Variants in ALK observed in about 807,000 individuals in gnomAD.
ALK encodes ALK receptor tyrosine kinase.
ALK carries 74 observed loss-of-function variants against 163.1 expected under a neutral mutation model. That is an observed-to-expected ratio of 0.45 (90% confidence interval 0.38 to 0.55). ALK has a LOEUF of 0.55. Among genes scored for constraint, ALK ranks in the 20% least tolerant of loss-of-function variants. ALK has a pLI of 0.00. For missense variants in ALK, 2,063 were observed against 2,105.3 expected (o/e 0.98, Z 0.39); for synonymous variants, 960 against 843.2 (o/e 1.14, Z -2.40).
intron 1 of ALK, among the ~76,000 whole-genome samples, chr2:29,855,936 C>T (rs1012183044): frequency 6.6e-6 from 1 of 152,152 alleles, no homozygotes; most frequent in Admixed American, 6.5e-5. Flanking sequence ...TAATGTGTGA[C>T]CTCATTAATT....
chr2:29,468,563 T>C (rs1259618644), intron 4 of ALK, among the ~76,000 whole-genome samples: 1 of 152,092 alleles, frequency 6.6e-6, no homozygotes, highest in African/African-American at 2.4e-5. Flanking sequence ...TCAGAATGAA[T>C]AGCCAGCTCA....
chr2:29,243,347 C>T (rs142445045), intron 12 of ALK, among the ~76,000 whole-genome samples: 2 of 152,204 alleles, frequency 1.3e-5, no homozygotes, highest in Middle Eastern at 3.2e-3. Flanking sequence ...TATTTACCCC[C>T]GCTCTGAGCC....
rs1558549514 is a variant in ALK at position 29,920,109 on chromosome 2, C to A, written c.551G>T (p.Arg184Leu). 6.2e-7 allele frequency: 1 copy of A among 1,614,144 alleles called. No individual in the cohort carries two copies. ...FSWWIRQGEG[R>L]LRIRLMPEKK... ...CTCGGGCATCAGGCGGATCCTCAGT[C>A]GCCCTTCGCCTTGGCGAATCCACCA... The change falls in exon 1 of 29, where the codon CGA (arginine) becomes CTA (leucine). Residue 184 changes from arginine to leucine, a missense_variant. Transcript: ENST00000389048.
intron 3 of ALK, among the ~76,000 whole-genome samples, chr2:29,630,080 A>G (rs1676314715): frequency 6.6e-6 from 1 of 152,184 alleles, no homozygotes; most frequent in East Asian, 1.9e-4. Context: ...ACACAATGCA[A>G]TTAGAGTCTG....
chr2:29,402,487 C>A (rs962747999), intron 4 of ALK, among the ~76,000 whole-genome samples: 5 of 152,180 alleles, frequency 3.3e-5, no homozygotes, highest in African/African-American at 1.2e-4. Flanking sequence ...CTTGTGGTTT[C>A]TTTATTTTAT....
chr2:29,352,940 G>T (rs536431628), intron 5 of ALK, among the ~76,000 whole-genome samples: 1 of 152,350 alleles, frequency 6.6e-6, no homozygotes, highest in Non-Finnish European at 1.5e-5. Context: ...ACTTCGGGAA[G>T]AACTCAGTTT....
intron 1 of ALK, among the ~76,000 whole-genome samples, chr2:29,766,285 A>G (rs1244907487): frequency 6.6e-6 from 1 of 152,146 alleles, no homozygotes; most frequent in Non-Finnish European, 1.5e-5. Context: ...ACCACCACAA[A>G]TCCCAACTCC....
chr2:29,298,854 C>G (rs1190505829), intron 8 of ALK, among the ~76,000 whole-genome samples: 2 of 152,182 alleles, frequency 1.3e-5, no homozygotes, highest in African/African-American at 4.8e-5. Flanking sequence ...TTCTCTCCCC[C>G]AGTCCTTGCT....
At chr2:29,554,097 G>A (rs1371006025) in intron 3 of ALK, among the ~76,000 whole-genome samples, 1 of 152,040 alleles carries the variant, frequency 6.6e-6, no homozygotes, top group African/African-American at 2.4e-5. Context: ...TTATATTTAT[G>A]AACTTGAGTG....
intron 4 of ALK, among the ~76,000 whole-genome samples, chr2:29,450,297 T>C (rs564496385): frequency 5.3e-5 from 8 of 152,224 alleles, no homozygotes; most frequent in Non-Finnish European, 1.0e-4. Context: ...TTGCTCATCT[T>C]GTCTGTCAAG....
At chr2:29,358,040 A>C (rs918430200) in intron 5 of ALK, among the ~76,000 whole-genome samples, 2 of 152,234 alleles carry the variant, frequency 1.3e-5, no homozygotes, top group Non-Finnish European at 2.9e-5. Flanking sequence ...GACTTGACCA[A>C]GTTTTCACAG....
rs1558549445 is a variant in ALK, at chr2:29,920,062, T to C, written c.598A>G (p.Arg200Gly). 6.2e-7 allele frequency: 1 copy of C among 1,614,216 alleles called. No individual in the cohort carries two copies. The highest frequency in any genetic ancestry group is 1.1e-5 in the South Asian group (1 of 91,088). ...ATTGCCGCGGACAGCCTTCCCTCTC[T>C]GCCCACTTCCGACGCCTTCTTCTCG... ...MPEKKASEVG[R>G]EGRLSAAIRA... The change falls in exon 1 of 29, where the codon AGA becomes GGA. Residue 200 changes from arginine (R) to glycine (G), a missense_variant. Physicochemically the swap from Arg to Gly is moderately radical, Grantham distance 125. This residue lies in a region of ALK where 987 missense variants were observed against 939.5 expected (regional missense o/e 1.05). Coordinates refer to ENST00000389048, the MANE Select transcript of ALK (RefSeq NM_004304.5).
chr2:29,715,968 G>A (rs1325588232), intron 2 of ALK, among the ~76,000 whole-genome samples: 1 of 152,118 alleles, frequency 6.6e-6, no homozygotes, highest in East Asian at 1.9e-4. Context: ...GTTTTTGATG[G>A]ATTTTTTTTT....
chr2:29,797,617 A>T (rs1190297035), intron 1 of ALK, among the ~76,000 whole-genome samples: 2 of 152,158 alleles, frequency 1.3e-5, no homozygotes, highest in Non-Finnish European at 2.9e-5. Context: ...TGCCAGGGAC[A>T]TTGCTTAGTG....
intron 11 of ALK, among the ~76,000 whole-genome samples, chr2:29,264,695 C>A (rs770861662): frequency 1.3e-5 from 2 of 152,222 alleles, no homozygotes; most frequent in Non-Finnish European, 2.9e-5. Context: ...TCCAAACCCA[C>A]CTGAGTGGTC....
chr2:29,520,376 G>T (rs1672780507), intron 4 of ALK, among the ~76,000 whole-genome samples: 2 of 152,206 alleles, frequency 1.3e-5, no homozygotes, highest in Admixed American at 1.3e-4. Flanking sequence ...TTGGGAATTT[G>T]TTCATTTCAT....
intron 6 of ALK, among the ~76,000 whole-genome samples, chr2:29,325,042 C>A (rs912618496): frequency 6.6e-6 from 1 of 152,134 alleles, no homozygotes; most frequent in East Asian, 1.9e-4. Context: ...CCAGCATGTG[C>A]GGAGGACTCC....
intron 1 of ALK, among the ~76,000 whole-genome samples, chr2:29,891,731 C>A (rs1463415906): frequency 6.6e-6 from 1 of 152,164 alleles, no homozygotes; most frequent in African/African-American, 2.4e-5. Flanking sequence ...TCAGTTCACA[C>A]TTCCCTGGGA....
intron 3 of ALK, among the ~76,000 whole-genome samples, chr2:29,692,833 G>C (rs111984396): frequency 1.9e-4 from 29 of 152,304 alleles, no homozygotes; most frequent in African/African-American, 6.5e-4. Flanking sequence ...CAAGAACCTG[G>C]AAATAATTCA....
Sources: gnomAD v4.1 joint callset for allele counts (sites outside exome capture counted in the v4.1 genomes callset) on GRCh38, gnomAD v4.1.1 for gene constraint, gnomAD v4.1.1 regional missense constraint, MANE v1.5 for transcripts, NCBI Gene and HGNC (gene_info 2026-07-23, HGNC 2026-07-21) for gene names.